Variants in EPB41L5 observed in about 807,000 individuals in gnomAD.
EPB41L5 encodes erythrocyte membrane protein band 4.1 like 5, also known as band 4.1-like protein 5.
A neutral mutation model predicts 106.6 loss-of-function variants in EPB41L5; 55 were observed. The ratio of observed to expected loss-of-function variants is 0.52; its 90% CI spans 0.42 to 0.65. The LOEUF (loss-of-function observed/expected upper bound fraction) is 0.65, where lower values mean the gene tolerates loss of function less well. Among genes scored for constraint, EPB41L5 ranks in the 30% least tolerant of loss-of-function variants. The probability of loss-of-function intolerance (pLI) is 0.00; values close to 1 mark genes in which losing one functional copy is unlikely to be tolerated. For missense variants in EPB41L5, 871 were observed against 882.1 expected (o/e 0.99, Z 0.16); for synonymous variants, 297 against 306.7 (o/e 0.97, Z 0.33).
chr2:120,041,728 A>G (rs560432099), intron 2 of EPB41L5, among the ~76,000 whole-genome samples: 1 of 152,288 alleles, frequency 6.6e-6, no homozygotes, highest in African/African-American at 2.4e-5. Context: ...TTATCCATAC[A>G]CACACACAAA....
chr2:120,042,733 G>A (rs946906277), intron 3 of EPB41L5, among the ~76,000 whole-genome samples: 6 of 152,078 alleles, frequency 3.9e-5, no homozygotes, highest in Non-Finnish European at 7.4e-5. Flanking sequence ...CAAACTGAAT[G>A]CCCAAAGTAT....
At chr2:120,094,082 G>C (rs1683591177) in intron 14 of EPB41L5, among the ~76,000 whole-genome samples, 1 of 152,038 alleles carries the variant, frequency 6.6e-6, no homozygotes, top group South Asian at 2.1e-4. Context: ...TCCCTCCTAG[G>C]CTCAAGTGAT....
At chr2:120,080,145 C>T (rs1014776246) in intron 10 of EPB41L5, among the ~76,000 whole-genome samples, 1 of 149,764 alleles carries the variant, frequency 6.7e-6, no homozygotes, top group Non-Finnish European at 1.5e-5. Flanking sequence ...TTCTAGGGTA[C>T]ATGTGCAAAG....
intron 16 of EPB41L5, chr2:120,104,271 T>G (rs926033394): frequency 6.6e-7 from 1 of 1,523,038 alleles, no homozygotes; most frequent in Middle Eastern, 1.7e-4. Context: ...TGGGACTCTT[T>G]GTCATGCAAG....
rs554052503 is a variant in EPB41L5 at position 120,079,073 on chromosome 2, G to A, written c.803+492G>A. Among the ~76,000 whole-genome samples the A allele has an allele frequency of 2.1e-4, 32 of 151,970 alleles. No individual in the cohort carries two copies. In the East Asian group the frequency reaches 5.6e-3, roughly 27 times the overall value. On this transcript the variant is annotated intron_variant, in intron 10 of 24. Coordinates refer to ENST00000263713, the MANE Select transcript of EPB41L5 (RefSeq NM_020909.4). ...GGATAGATTTTACTTGGATTTCTTG[G>A]CCATAATTGAGTCCATCAGATTTTG...
chr2:120,151,610 CTTTTTTT>C (rs529496809), intron 20 of EPB41L5, among the ~76,000 whole-genome samples: 1 of 116,816 alleles, frequency 8.6e-6, no homozygotes, highest in African/African-American at 4.3e-5. Flanking sequence ...GCGTCTGGCC[CTTTTTTT>C]TTTTTTTTTT....
chr2:120,160,755 G>T, intron 20 of EPB41L5, 126 bp from the exon 21 acceptor site: 1 of 653,520 alleles, frequency 1.5e-6, no homozygotes, highest in Non-Finnish European at 2.7e-6. Context: ...TGATGATTTT[G>T]AGCATTTTTT....
chr2:120,091,987 C>T (rs1423379627), intron 13 of EPB41L5, among the ~76,000 whole-genome samples: 1 of 150,778 alleles, frequency 6.6e-6, no homozygotes, highest in African/African-American at 2.5e-5. Context: ...CCTTAATCCC[C>T]TTAGGAATTT....
chr2:120,041,313 T>G (rs1679389678), intron 2 of EPB41L5, among the ~76,000 whole-genome samples: 1 of 152,184 alleles, frequency 6.6e-6, no homozygotes, highest in African/African-American at 2.4e-5. Context: ...TTCAGGTATA[T>G]AAGAAACCTA....
At chr2:120,073,633 C>T (rs547421047) in intron 4 of EPB41L5, among the ~76,000 whole-genome samples, 135 of 152,164 alleles carry the variant, frequency 8.9e-4, no homozygotes, top group African/African-American at 3.1e-3. Flanking sequence ...AGAGAGAATA[C>T]CATTGTTTAT....
Position 120,166,728 on chromosome 2 carries a change from G to A in EPB41L5, c.1963-738G>A, listed in dbSNP as rs145771092. On this transcript the variant is annotated intron_variant, in intron 22 of 24. Transcript: ENST00000263713. ...TGGGGTTACAGGCGTGCGCCACTGC[G>A]CCCAGCCTGTGTTTTTATTCTTTTG... Among the ~76,000 whole-genome samples the A allele has an allele frequency of 5.0e-3, 763 of 152,314 alleles. 4 individuals carry two copies. Among genetic ancestry groups the A allele is most frequent in the Non-Finnish European group, 8.2e-3 (560 of 68,024 alleles).
chr2:120,084,369 C>A (rs773042540), intron 10 of EPB41L5, among the ~76,000 whole-genome samples: 4 of 152,150 alleles, frequency 2.6e-5, no homozygotes, highest in Non-Finnish European at 5.9e-5. Context: ...TATTTTATTT[C>A]TCCTTCACTT....
intron 5 of EPB41L5, 196 bp downstream of exon 5, chr2:120,074,374 A>G: frequency 2.0e-6 from 1 of 511,226 alleles, no homozygotes; most frequent in Non-Finnish European, 3.5e-6. Context: ...TTCAAAATAA[A>G]GAGTTGGTTT....
At chr2:120,086,739 TCAAA>T (rs1242443511) in intron 10 of EPB41L5, among the ~76,000 whole-genome samples, 1 of 152,160 alleles carries the variant, frequency 6.6e-6, no homozygotes, top group Non-Finnish European at 1.5e-5. Context: ...AGAACCTATC[TCAAA>T]CAAACAAAAA....
At chr2:120,039,838 A>AT (rs1679288554) in intron 2 of EPB41L5, among the ~76,000 whole-genome samples, 1 of 151,582 alleles carries the variant, frequency 6.6e-6, no homozygotes. Flanking sequence ...GAAAAAAAAA[A>AT]AAAAAAAAAG....
At chr2:120,014,113 T>C (rs1218873016) in intron 1 of EPB41L5, among the ~76,000 whole-genome samples, 1 of 152,258 alleles carries the variant, frequency 6.6e-6, no homozygotes, top group East Asian at 1.9e-4. Context: ...CAAAATATAG[T>C]GTTACCTTAA....
chr2:120,174,508 G>A (rs2105584546), intron 24 of EPB41L5, among the ~76,000 whole-genome samples: 1 of 151,962 alleles, frequency 6.6e-6, no homozygotes, highest in Admixed American at 6.5e-5. Context: ...AACAGCCTGA[G>A]TGTGTTGCCC....
chr2:120,116,541 A>C (rs553447090), intron 16 of EPB41L5, among the ~76,000 whole-genome samples: 2 of 152,154 alleles, frequency 1.3e-5, no homozygotes, highest in South Asian at 4.2e-4. Flanking sequence ...TTGTTTTTTG[A>C]GATAGGGTCT....
At chr2:120,125,360 G>A in intron 16 of EPB41L5, among the ~76,000 whole-genome samples, 1 of 152,166 alleles carries the variant, frequency 6.6e-6, no homozygotes, top group Non-Finnish European at 1.5e-5. Context: ...CATTGGTAAA[G>A]TTGGCCCCAG....
Sources: allele counts gnomAD v4.1 joint callset (sites outside exome capture counted in the v4.1 genomes callset), GRCh38; gene constraint gnomAD v4.1.1; transcripts MANE v1.5; gene names NCBI Gene and HGNC (gene_info 2026-07-23, HGNC 2026-07-21).